BMP6: variants seen among roughly 807,000 people sequenced by gnomAD.
BMP6 encodes the protein bone morphogenetic protein 6.
A neutral mutation model predicts 54.1 loss-of-function variants in BMP6; 17 were observed. The ratio of observed to expected loss-of-function variants is 0.31; its 90% confidence interval spans 0.22 to 0.47. BMP6 has a LOEUF of 0.47. Among genes scored for constraint, BMP6 ranks in the 20% least tolerant of loss-of-function variants. The pLI is 1.00. For synonymous variants in BMP6, 328 were observed against 291.2 expected (o/e 1.13, Z -1.28); for missense variants, 720 against 690.4 (o/e 1.04, Z -0.48).
At chr6:7,735,927 A>T (rs1291479131) in intron 1 of BMP6, among the ~76,000 whole-genome samples, 2 of 152,254 alleles carry the variant, frequency 1.3e-5, no homozygotes, top group African/African-American at 4.8e-5. Context: ...AGGAAAAACA[A>T]GTCAATGAAA....
At chr6:7,857,265 T>C (rs973007925) in intron 2 of BMP6, among the ~76,000 whole-genome samples, 1 of 152,226 alleles carries the variant, frequency 6.6e-6, no homozygotes, top group African/African-American at 2.4e-5. Flanking sequence ...AGAAATATCT[T>C]ACTAGCATAT....
At chr6:7,741,179 G>A (rs1382703616) in intron 1 of BMP6, among the ~76,000 whole-genome samples, 2 of 152,176 alleles carry the variant, frequency 1.3e-5, no homozygotes, top group Non-Finnish European at 2.9e-5. Context: ...GTTAAGAAAG[G>A]CTTTCTGAAA....
At chr6:7,836,366 G>A (rs1758876320) in intron 1 of BMP6, among the ~76,000 whole-genome samples, 1 of 152,166 alleles carries the variant, frequency 6.6e-6, no homozygotes. Context: ...GAGGATTTCT[G>A]GATCTGGATT....
rs984804769 is a variant in BMP6 at position 7,813,729 on chromosome 6, T to A, written c.665-31411T>A. On this transcript the variant is annotated intron_variant, in intron 1 of 6. Coordinates refer to ENST00000283147, the MANE Select transcript of BMP6 (RefSeq NM_001718.6). ...AAATTTCTATAGATACTCCATAGCA[T>A]CTCCTTGCAATTTATTAATTTATCT... 6.0e-5 allele frequency among the ~76,000 whole-genome samples: 9 copies of A among 150,190 alleles called. No individual in the cohort carries two copies. The South Asian group carries it at 1.9e-3, about 32-fold the overall frequency.
At chr6:7,847,079 C>T (rs1294287625) in intron 2 of BMP6, among the ~76,000 whole-genome samples, 3 of 152,172 alleles carry the variant, frequency 2.0e-5, no homozygotes, top group Admixed American at 1.3e-4. Context: ...TTATACTGAA[C>T]TCCAGCCAAA....
Position 7,799,463 on chromosome 6 carries a change from A to G in BMP6, c.665-45677A>G, listed in dbSNP as rs773462453. Among the ~76,000 whole-genome samples, 5 of 152,148 alleles carry G rather than the reference A, an allele frequency of 3.3e-5. No individual in the cohort carries two copies. In the East Asian group the frequency reaches 5.8e-4, roughly 18 times the overall value. On this transcript the variant is annotated intron_variant, in intron 1 of 6. Transcript: ENST00000283147. ...TGATTTCTTTTTTTGAAGAAGGGCTATTTGATTCCAACTGAATGTTAGTGT... is the reference window on the plus strand; with the variant it reads ...TGATTTCTTTTTTTGAAGAAGGGCTGTTTGATTCCAACTGAATGTTAGTGT...
rs145653556 is a variant in BMP6 at position 7,764,989 on chromosome 6, C to T, written c.664+37370C>T. On this transcript the variant is annotated intron_variant, in intron 1 of 6. Transcript: ENST00000283147. ...TTCATAATACTCTGTGCAGGTAATT[C>T]GTTGACTTCCTGGCCAAATTTTTTC... Among the ~76,000 whole-genome samples, 595 of 152,284 alleles carry T rather than the reference C, an allele frequency of 3.9e-3. 6 individuals carry two copies. The highest frequency in any genetic ancestry group is 0.022 in the East Asian group (113 of 5,186).
chr6:7,817,088 C>T (rs143264843), intron 1 of BMP6, among the ~76,000 whole-genome samples: 299 of 152,302 alleles, frequency 2.0e-3, no homozygotes, highest in African/African-American at 6.6e-3. Context: ...GCTTTCAAAA[C>T]ATTCAGTCTA....
chr6:7,812,393 C>T (rs1010972873), intron 1 of BMP6, among the ~76,000 whole-genome samples: 1 of 152,110 alleles, frequency 6.6e-6, no homozygotes, highest in Non-Finnish European at 1.5e-5. Context: ...CTATTACAAA[C>T]TAGAAGAAAA....
intron 1 of BMP6, among the ~76,000 whole-genome samples, chr6:7,748,749 A>G (rs1270013448): frequency 1.3e-5 from 2 of 152,196 alleles, no homozygotes; most frequent in African/African-American, 4.8e-5. Flanking sequence ...GATAATCATC[A>G]TGTCCTGAGA....
At chr6:7,794,802 A>AT (rs1758168571) in intron 1 of BMP6, among the ~76,000 whole-genome samples, 1 of 152,238 alleles carries the variant, frequency 6.6e-6, no homozygotes, top group African/African-American at 2.4e-5. Context: ...TAGGACAGGG[A>AT]TTTGGACACA....
chr6:7,727,247 G>C lies in BMP6; in HGVS notation c.292G>C (p.Gly98Arg). ...GLPHRPRPLH[G>R]LQQPQPPALR... ...CCCGCACCGGCCCCGGCCCCTGCAC[G>C]GCCTCCAACAGCCGCAGCCCCCGGC... is the stretch of plus-strand genomic sequence containing the variant. The change falls in exon 1 of 7, where the codon GGC (glycine) becomes CGC (arginine). Residue 98 changes from glycine to arginine, a missense_variant. Physicochemically the swap from Gly to Arg is moderately radical, Grantham distance 125 (BLOSUM62 -2). Around this residue, in one of 3 missense-constraint regions of BMP6, gnomAD observed 650 missense variants for 556.3 expected, o/e 1.17. Transcript: ENST00000283147. The C allele has an allele frequency of 1.2e-6, 2 of 1,606,250 alleles. No homozygotes were observed. The highest frequency in any genetic ancestry group is 1.7e-6 in the Non-Finnish European group (2 of 1,177,034).
At chr6:7,877,702 G>A (rs920219893) in intron 4 of BMP6, among the ~76,000 whole-genome samples, 1 of 152,162 alleles carries the variant, frequency 6.6e-6, no homozygotes, top group Non-Finnish European at 1.5e-5. Context: ...TTAGAAGTTA[G>A]AAAATCAAGT....
intron 1 of BMP6, among the ~76,000 whole-genome samples, chr6:7,792,592 A>G (rs1758126999): frequency 6.6e-6 from 1 of 152,242 alleles, no homozygotes; most frequent in Non-Finnish European, 1.5e-5. Flanking sequence ...ACAGGCACAC[A>G]GGCATACCCA....
At chr6:7,800,910 G>A (rs1314554205) in intron 1 of BMP6, among the ~76,000 whole-genome samples, 1 of 105,882 alleles carries the variant, frequency 9.4e-6, no homozygotes, top group African/African-American at 4.7e-5. Context: ...TAAAGCGGGG[G>A]GAGGGGGGGG....
chr6:7,751,861 G>T (rs1010768720), intron 1 of BMP6, among the ~76,000 whole-genome samples: 9 of 152,184 alleles, frequency 5.9e-5, no homozygotes, highest in African/African-American at 2.2e-4. Context: ...AGTAATTGAT[G>T]ACATAAAATG....
intron 4 of BMP6, among the ~76,000 whole-genome samples, chr6:7,863,521 C>G (rs568065893): frequency 5.9e-5 from 9 of 152,320 alleles, no homozygotes; most frequent in African/African-American, 1.9e-4. Context: ...GGCACGACTC[C>G]GGTTGGCTTG....
At chr6:7,772,148 A>G (rs1581241201) in intron 1 of BMP6, among the ~76,000 whole-genome samples, 1 of 151,348 alleles carries the variant, frequency 6.6e-6, no homozygotes, top group African/African-American at 2.4e-5. Flanking sequence ...GGAACCCCAC[A>G]CTCCCCTCCC....
At chr6:7,803,740 C>A (rs1758306322) in intron 1 of BMP6, among the ~76,000 whole-genome samples, 1 of 152,120 alleles carries the variant, frequency 6.6e-6, no homozygotes, top group Non-Finnish European at 1.5e-5. Context: ...TCAAGATGCA[C>A]CATTTTTTTT....
Sources: gnomAD v4.1 joint callset for allele counts (sites outside exome capture counted in the v4.1 genomes callset) on GRCh38, gnomAD v4.1.1 for gene constraint, gnomAD v4.1.1 regional missense constraint, MANE v1.5 for transcripts, NCBI Gene and HGNC (gene_info 2026-07-23, HGNC 2026-07-21) for gene names.